The following KIRREL3 variants were observed in gnomAD, a reference collection of about 807,000 sequenced individuals.
The protein encoded by KIRREL3 is kin of IRRE-like protein 3.
A neutral mutation model predicts 89.7 loss-of-function variants in KIRREL3; 36 were observed. The ratio of observed to expected loss-of-function variants is 0.40; its 90% CI spans 0.31 to 0.53. KIRREL3 has a LOEUF of 0.53. Among genes scored for constraint, KIRREL3 ranks in the 20% least tolerant of loss-of-function variants. The pLI is 0.49. For missense variants in KIRREL3, 864 were observed against 1,056.6 expected (o/e 0.82, Z 2.53); for synonymous variants, 445 against 441.4 (o/e 1.01, Z -0.10).
In KIRREL3 at chr11:126,750,836, T is replaced by C. The variant is rs190479806; in HGVS notation, c.56-187924A>G. Among the ~76,000 whole-genome samples the C allele has an allele frequency of 2.6e-5, 4 of 152,350 alleles. No individual in the cohort carries two copies. The highest frequency in any genetic ancestry group is 1.3e-4 in the Admixed American group (2 of 15,308). ...TCCTCAGTGACTGATGCTCATATAT[T>C]CTTTCCATTTTCATGAGTACTAATA... On this transcript the variant is annotated intron_variant, in intron 1 of 16. Coordinates refer to ENST00000525144, the MANE Select transcript of KIRREL3 (RefSeq NM_032531.4). This position sits in a 1 kb window ranked among gnomAD's most constrained non-coding sequence, Gnocchi z 4.2.
At chr11:126,702,703 G>A (rs1350801277) in intron 1 of KIRREL3, among the ~76,000 whole-genome samples, 1 of 152,236 alleles carries the variant, frequency 6.6e-6, no homozygotes, top group Non-Finnish European at 1.5e-5. Context: ...CACGGACAGG[G>A]CCCTCTCTGC....
chr11:126,798,372 C>T (rs1950880762), intron 1 of KIRREL3, among the ~76,000 whole-genome samples: 1 of 164 alleles, frequency 6.1e-3, no homozygotes. Flanking sequence ...GATTCTTGTC[C>T]AGGGCATTGA....
At chr11:126,617,953 G>A (rs1943419731) in intron 1 of KIRREL3, among the ~76,000 whole-genome samples, 1 of 152,230 alleles carries the variant, frequency 6.6e-6, no homozygotes, top group African/African-American at 2.4e-5. Context: ...CAAGTCTTAT[G>A]TTCAGTTGTG....
rs188991607 is a variant in KIRREL3 at position 126,424,126 on chromosome 11, C to T, written c.*454G>A. 7.3e-5 allele frequency: 14 copies of T among 192,698 alleles called. No homozygotes were observed. The highest frequency in any genetic ancestry group is 5.9e-4 in the East Asian group (5 of 8,436). 11.9% of individuals were successfully genotyped at this position (192,698 alleles called of 1,614,324 possible). A position where few individuals can be genotyped will look rare whatever the true frequency, so the allele number is the denominator to read the frequency against. ...CTGGGGCAGCTCAGTGCTGGGAAGACGTCATCCCCTTCTCCCCAGGGCTGT... is the reference window on the plus strand; with the variant it reads ...CTGGGGCAGCTCAGTGCTGGGAAGATGTCATCCCCTTCTCCCCAGGGCTGT... On this transcript the variant is annotated 3_prime_UTR_variant, in exon 17 of 17. Transcript: ENST00000525144.
Position 126,946,857 on chromosome 11 carries a change from A to G in KIRREL3, c.55+53598T>C, listed in dbSNP as rs557977381. Among the ~76,000 whole-genome samples the G allele has an allele frequency of 4.2e-4, 64 of 152,298 alleles. No individual in the cohort carries two copies. The highest frequency in any genetic ancestry group is 1.5e-3 in the African/African-American group (64 of 41,556). On this transcript the variant is annotated intron_variant, in intron 1 of 16. Transcript: ENST00000525144. The surrounding 1 kb of genome is among the most constrained non-coding windows in gnomAD (Gnocchi z 4.1). ...ATTGTACATTGTTCAACCACTATTT[A>G]TTGTGTAACTAGGGTGTGGTGGGCC...
At chr11:126,488,372 C>A (rs1158781676) in intron 4 of KIRREL3, among the ~76,000 whole-genome samples, 2 of 152,252 alleles carry the variant, frequency 1.3e-5, no homozygotes, top group African/African-American at 4.8e-5. Flanking sequence ...ATCAACCTTC[C>A]TGAGCCTCAG....
At chr11:126,933,851 T>C (rs1948060825) in intron 1 of KIRREL3, among the ~76,000 whole-genome samples, 1 of 151,752 alleles carries the variant, frequency 6.6e-6, no homozygotes, top group Non-Finnish European at 1.5e-5. Flanking sequence ...TCCATTTTAA[T>C]GGTTAAAAAA....
chr11:126,960,140 A>G lies in KIRREL3; in HGVS notation c.55+40315T>C, dbSNP rs1202399094. On this transcript the variant is annotated intron_variant, in intron 1 of 16. Transcript: ENST00000525144. ...TATAGGGAAGGAGGCAGAGCATATG[A>G]TAAGAACTTGGCCTGACGCAGGAGA... 2.0e-5 allele frequency among the ~76,000 whole-genome samples: 3 copies of G among 151,190 alleles called. No individual in the cohort carries two copies. In the East Asian group the frequency reaches 6.0e-4, roughly 30 times the overall value.
rs577606731 is a variant in KIRREL3, at chr11:126,922,976, T to C, written c.55+77479A>G. Among the ~76,000 whole-genome samples, 13 of 152,330 alleles carry C rather than the reference T, an allele frequency of 8.5e-5. No individual in the cohort carries two copies. In the South Asian group the frequency reaches 2.7e-3, roughly 32 times the overall value. On this transcript the variant is annotated intron_variant, in intron 1 of 16. Coordinates refer to ENST00000525144, the MANE Select transcript of KIRREL3 (RefSeq NM_032531.4). ...GACCACCAGGCAGTCTTTGCATCCC[T>C]CGAGTCGGTGCCCTTGCACCAAGCA...
intron 1 of KIRREL3, among the ~76,000 whole-genome samples, chr11:126,886,002 A>T (rs1945680929): frequency 6.6e-6 from 1 of 152,158 alleles, no homozygotes; most frequent in Admixed American, 6.5e-5. Context: ...TGCGTTCCTC[A>T]CTTTAATTTT....
At position 126,594,554 on chromosome 11, in the gene KIRREL3, A is replaced by G. The variant is rs1942299180; in HGVS notation, c.56-31642T>C. Among the ~76,000 whole-genome samples the G allele has an allele frequency of 6.6e-6, 1 of 152,046 alleles. No individual in the cohort carries two copies. The highest frequency in any genetic ancestry group is 1.5e-5 in the Non-Finnish European group (1 of 68,012). On this transcript the variant is annotated intron_variant, in intron 1 of 16. Transcript: ENST00000525144. The surrounding 1 kb of genome is among the most constrained non-coding windows in gnomAD (Gnocchi z 5.0). ...TTTTCCTTCTTTCTTTCCACATAGC[A>G]TGGGGCCTTCAACTGCTGGAGGGTC...
intron 1 of KIRREL3, among the ~76,000 whole-genome samples, chr11:126,582,215 A>T (rs1941587715): frequency 6.6e-6 from 1 of 152,168 alleles, no homozygotes. Context: ...GCATACTCTC[A>T]ACTGAGCATT....
rs1355660628 is a variant in KIRREL3 at position 126,508,162 on chromosome 11, C to A, written c.433+13153G>T. Among the ~76,000 whole-genome samples, 4 of 152,166 alleles carry A rather than the reference C, an allele frequency of 2.6e-5. No individual in the cohort carries two copies. Among genetic ancestry groups the A allele is most frequent in the Non-Finnish European group, 4.4e-5 (3 of 68,030 alleles). On this transcript the variant is annotated intron_variant, in intron 4 of 16. Transcript: ENST00000525144. The surrounding 1 kb of genome is among the most constrained non-coding windows in gnomAD (Gnocchi z 4.9). ...TTTCTGACATATTTTCACATGAAAA[C>A]CTCTTCCTTTATATAAACATTTATA...
rs1591730658 is a variant in KIRREL3 at position 126,555,948 on chromosome 11, G to A, written c.133+6887C>T. ...GTAGAGGTGGGGTTTCACTATTTTG[G>A]CCAGGCTGGTCTCAAACTCCTGACC... On this transcript the variant is annotated intron_variant, in intron 2 of 16. Transcript: ENST00000525144. This position sits in a 1 kb window ranked among gnomAD's most constrained non-coding sequence, Gnocchi z 4.2. Among the ~76,000 whole-genome samples, 1 of 152,230 alleles carries A rather than the reference G, an allele frequency of 6.6e-6. No homozygotes were observed. The highest frequency in any genetic ancestry group is 1.9e-4 in the East Asian group (1 of 5,168).
chr11:126,719,028 A>G lies in KIRREL3; in HGVS notation c.56-156116T>C, dbSNP rs1462128963. Among the ~76,000 whole-genome samples, 1 of 152,206 alleles carries G rather than the reference A, an allele frequency of 6.6e-6. No homozygotes were observed. The highest frequency in any genetic ancestry group is 2.4e-5 in the African/African-American group (1 of 41,446). ...GCTGTAATATCTCTAACTTTTTTAA[A>G]ATGGAGAAGCCTTTCTCATGTTTGT... On this transcript the variant is annotated intron_variant, in intron 1 of 16. Coordinates refer to ENST00000525144, the MANE Select transcript of KIRREL3 (RefSeq NM_032531.4). This position sits in a 1 kb window ranked among gnomAD's most constrained non-coding sequence, Gnocchi z 4.7.
rs1163617670 is a variant in KIRREL3 at position 126,579,565 on chromosome 11, G to A, written c.56-16653C>T. Among the ~76,000 whole-genome samples, 1 of 152,186 alleles carries A rather than the reference G, an allele frequency of 6.6e-6. No individual in the cohort carries two copies. Among genetic ancestry groups the A allele is most frequent in the African/African-American group, 2.4e-5 (1 of 41,450 alleles). ...GCCAGTGGAAGAGGAGAACTGGGGA[G>A]ACAGAGAGTGAGAAAAGGGGCAGAA... On this transcript the variant is annotated intron_variant, in intron 1 of 16. Transcript: ENST00000525144. This position sits in a 1 kb window ranked among gnomAD's most constrained non-coding sequence, Gnocchi z 5.3.
chr11:126,745,693 C>T (rs780052543), intron 1 of KIRREL3, among the ~76,000 whole-genome samples: 3 of 152,206 alleles, frequency 2.0e-5, no homozygotes, highest in Non-Finnish European at 4.4e-5. Flanking sequence ...CTGAGCTTCA[C>T]CCCCTTGGTG....
chr11:126,763,998 C>T lies in KIRREL3; in HGVS notation c.56-201086G>A, dbSNP rs1205242656. Among the ~76,000 whole-genome samples, 3 of 152,132 alleles carry T rather than the reference C, an allele frequency of 2.0e-5. No individual in the cohort carries two copies. Among genetic ancestry groups the T allele is most frequent in the Non-Finnish European group, 2.9e-5 (2 of 68,022 alleles). On this transcript the variant is annotated intron_variant, in intron 1 of 16. Coordinates refer to ENST00000525144, the MANE Select transcript of KIRREL3 (RefSeq NM_032531.4). The surrounding 1 kb of genome is among the most constrained non-coding windows in gnomAD (Gnocchi z 4.7). ...TCCCCTCCCCATCCACAGCATAGTT[C>T]TCCCATCATTCCTTCTTTGTAGAGG...
chr11:126,568,828 C>G lies in KIRREL3; in HGVS notation c.56-5916G>C, dbSNP rs1265837332. On this transcript the variant is annotated intron_variant, in intron 1 of 16. Transcript: ENST00000525144. The surrounding 1 kb of genome is among the most constrained non-coding windows in gnomAD (Gnocchi z 4.6). ...AGAAACAAAATACCAAATTCTACCC[C>G]CCTCGTTTTTTTCTTTTTCAGATAT... Among the ~76,000 whole-genome samples the G allele has an allele frequency of 1.3e-5, 2 of 152,112 alleles. No individual in the cohort carries two copies. Among genetic ancestry groups the G allele is most frequent in the Admixed American group, 1.3e-4 (2 of 15,286 alleles).
Sources: allele counts gnomAD v4.1 joint callset (sites outside exome capture counted in the v4.1 genomes callset), GRCh38; gene constraint gnomAD v4.1.1; non-coding constraint Gnocchi (gnomAD v3.1); transcripts MANE v1.5; gene names NCBI Gene and HGNC (gene_info 2026-07-23, HGNC 2026-07-21).